RCAN2: variants seen among roughly 807,000 people sequenced by gnomAD.
RCAN2 encodes regulator of calcineurin 2.
In RCAN2, 9 loss-of-function variants were observed where a neutral mutation model predicts 23.6. That is an observed-to-expected ratio of 0.38 (90% CI 0.23 to 0.67). The LOEUF is 0.67. Among genes scored for constraint, RCAN2 ranks in the 30% least tolerant of loss-of-function variants. The pLI is 0.51. For synonymous variants in RCAN2, 109 were observed against 115.7 expected (o/e 0.94, Z 0.37); for missense variants, 273 against 302.3 (o/e 0.90, Z 0.72).
intron 2 of RCAN2, among the ~76,000 whole-genome samples, chr6:46,415,305 T>C (rs534324264): frequency 1.3e-5 from 2 of 152,242 alleles, no homozygotes; most frequent in Non-Finnish European, 2.9e-5. Flanking sequence ...GATTTGAGGA[T>C]TGAATGGACA....
At chr6:46,398,579 G>A (rs959193335) in intron 2 of RCAN2, among the ~76,000 whole-genome samples, 21 of 152,116 alleles carry the variant, frequency 1.4e-4, no homozygotes, top group East Asian at 5.8e-4. Flanking sequence ...TTATGGCTGC[G>A]AGTTTAACAA....
chr6:46,251,300 A>T (rs1260849421), intron 2 of RCAN2, among the ~76,000 whole-genome samples: 1 of 152,226 alleles, frequency 6.6e-6, no homozygotes, highest in African/African-American at 2.4e-5. Flanking sequence ...GAGCAGGAAT[A>T]CTGATGACTA....
intron 1 of RCAN2, among the ~76,000 whole-genome samples, chr6:46,483,253 A>G (rs1463227271): frequency 1.3e-5 from 2 of 152,216 alleles, no homozygotes; most frequent in African/African-American, 4.8e-5. Flanking sequence ...GGCTCGATGA[A>G]GGTAATTTAG....
intron 2 of RCAN2, among the ~76,000 whole-genome samples, chr6:46,285,822 T>C (rs774806701): frequency 2.0e-5 from 3 of 152,234 alleles, no homozygotes; most frequent in Non-Finnish European, 4.4e-5. Context: ...ATTTGTTACA[T>C]AGGCCTACTT....
At chr6:46,257,598 C>T (rs1242632066) in intron 2 of RCAN2, among the ~76,000 whole-genome samples, 1 of 152,118 alleles carries the variant, frequency 6.6e-6, no homozygotes, top group Non-Finnish European at 1.5e-5. Context: ...CTCGTGAGAA[C>T]TCACTCACTA....
Position 46,305,411 on chromosome 6 carries a change from C to T in RCAN2, c.226-56515G>A, listed in dbSNP as rs115881946. Among the ~76,000 whole-genome samples, 571 of 152,154 alleles carry T rather than the reference C, an allele frequency of 3.8e-3. 3 individuals are homozygous for T. Among genetic ancestry groups the T allele is most frequent in the African/African-American group, 0.013 (536 of 41,532 alleles). Reference sequence around the variant, plus strand: ...CCTGTCATCACGTTGGCTCCACTTCCTTCTTTGCTTCCCTTCACTTGGCCC... The same window carrying T: ...CCTGTCATCACGTTGGCTCCACTTCTTTCTTTGCTTCCCTTCACTTGGCCC... On this transcript the variant is annotated intron_variant, in intron 2 of 4. Transcript: ENST00000371374.
chr6:46,486,635 A>G (rs1320119367), intron 1 of RCAN2, among the ~76,000 whole-genome samples: 1 of 152,216 alleles, frequency 6.6e-6, no homozygotes, highest in African/African-American at 2.4e-5. Context: ...GTTCTAAAAT[A>G]ATACATTTTT....
rs544037032 is a variant in RCAN2, at chr6:46,305,808, T to A, written c.226-56912A>T. 2.6e-5 allele frequency among the ~76,000 whole-genome samples: 4 copies of A among 152,130 alleles called. No individual in the cohort carries two copies. The South Asian group carries it at 8.3e-4, about 32-fold the overall frequency. On this transcript the variant is annotated intron_variant, in intron 2 of 4. Coordinates refer to ENST00000371374, the MANE Select transcript of RCAN2 (RefSeq NM_001251974.2). The stretch of plus-strand genomic sequence containing the variant: ...GAGCTAGTCAAAGCACTGAACTTAG[T>A]TAAACCAATTTAACATACGAGAAAT...
In RCAN2 at chr6:46,247,054, C is replaced by A. The variant is rs531241305; in HGVS notation, c.400-135G>T. ...AACCCGACCGTAATAATAATTACCA[C>A]TTACCACATACCATGTGCTCAATTG... On this transcript the variant is annotated intron_variant, in intron 3 of 4. Coordinates refer to ENST00000371374, the MANE Select transcript of RCAN2 (RefSeq NM_001251974.2). The A allele has an allele frequency of 3.9e-5, 26 of 671,244 alleles. No homozygotes were observed. The South Asian group carries it at 5.3e-4, about 14-fold the overall frequency. The allele number at this position is 671,244 out of a possible 1,614,324, so 41.6% of individuals were successfully genotyped here.
At chr6:46,317,953 G>A (rs987602276) in intron 2 of RCAN2, among the ~76,000 whole-genome samples, 1 of 152,082 alleles carries the variant, frequency 6.6e-6, no homozygotes, top group African/African-American at 2.4e-5. Context: ...GCTATAATGG[G>A]GATTATATGA....
chr6:46,376,626 G>A (rs1765467157), intron 2 of RCAN2, among the ~76,000 whole-genome samples: 1 of 152,090 alleles, frequency 6.6e-6, no homozygotes, highest in Non-Finnish European at 1.5e-5. Flanking sequence ...GTTGCAGTGA[G>A]CCGAGGAGAT....
intron 2 of RCAN2, among the ~76,000 whole-genome samples, chr6:46,408,734 T>TA (rs550007209): frequency 0.013 from 1,989 of 152,138 alleles, 52 homozygotes; most frequent in East Asian, 0.073. Context: ...AATAATAATT[T>TA]AAAAAAAACT....
chr6:46,281,072 G>C (rs1359979314), intron 2 of RCAN2, among the ~76,000 whole-genome samples: 2 of 152,182 alleles, frequency 1.3e-5, no homozygotes, highest in South Asian at 4.1e-4. Context: ...TGGTTGGTCA[G>C]GAGGTTCCTG....
In RCAN2 at chr6:46,265,128, T is replaced by C. The variant is rs528374349; in HGVS notation, c.226-16232A>G. On this transcript the variant is annotated intron_variant, in intron 2 of 4. Coordinates refer to ENST00000371374, the MANE Select transcript of RCAN2 (RefSeq NM_001251974.2). Reference sequence around the variant, plus strand: ...CATATCTCATAGACCAGCAGCAGTATGAAGAATTCTTGTGCAATCCTGGAG... The same window carrying C: ...CATATCTCATAGACCAGCAGCAGTACGAAGAATTCTTGTGCAATCCTGGAG... Among the ~76,000 whole-genome samples, 4 of 152,254 alleles carry C rather than the reference T, an allele frequency of 2.6e-5. No individual in the cohort carries two copies. The East Asian group carries it at 7.7e-4, about 29-fold the overall frequency.
At chr6:46,273,958 T>C (rs535535888) in intron 2 of RCAN2, among the ~76,000 whole-genome samples, 1 of 152,246 alleles carries the variant, frequency 6.6e-6, no homozygotes, top group Non-Finnish European at 1.5e-5. Context: ...GTCGTCTCTA[T>C]GAAAGGCTGG....
At chr6:46,431,409 A>C (rs1356489556) in intron 2 of RCAN2, among the ~76,000 whole-genome samples, 1 of 152,108 alleles carries the variant, frequency 6.6e-6, no homozygotes, top group Non-Finnish European at 1.5e-5. Context: ...CTCTAGAGAA[A>C]AAAATAACAT....
At chr6:46,400,139 T>C (rs561054332) in intron 2 of RCAN2, among the ~76,000 whole-genome samples, 2 of 152,326 alleles carry the variant, frequency 1.3e-5, no homozygotes, top group African/African-American at 4.8e-5. Flanking sequence ...AATTCCCCAC[T>C]GCCTTGCCCA....
At position 46,339,014 on chromosome 6, in the gene RCAN2, C is replaced by CAA. The variant is rs3997300; in HGVS notation, c.226-90120_226-90119dup. Among the ~76,000 whole-genome samples the CAA allele has an allele frequency of 6.8e-3, 319 of 46,852 alleles. 12 individuals carry two copies. Among genetic ancestry groups the CAA allele is most frequent in the African/African-American group, 0.023 (256 of 11,050 alleles). 30.7% of individuals were successfully genotyped at this position (46,852 alleles called of 152,430 possible). ...TGGGTGACAAAGCGAGACCCTGTCT[C>CAA]AAAAAAAAAAAAAAAAAAAAAAAAA... On this transcript the variant is annotated intron_variant, in intron 2 of 4. Transcript: ENST00000371374.
chr6:46,448,788 A>G (rs1767789196), intron 2 of RCAN2, among the ~76,000 whole-genome samples: 1 of 151,902 alleles, frequency 6.6e-6, no homozygotes, highest in African/African-American at 2.4e-5. Flanking sequence ...CTCTTTCACA[A>G]TAAAAATTCT....
Sources: gnomAD v4.1 joint callset for allele counts (sites outside exome capture counted in the v4.1 genomes callset) on GRCh38, gnomAD v4.1.1 for gene constraint, MANE v1.5 for transcripts, NCBI Gene and HGNC (gene_info 2026-07-23, HGNC 2026-07-21) for gene names.